OR1L8: variants seen among roughly 807,000 people sequenced by gnomAD.
OR1L8 encodes olfactory receptor 1L8.
For missense variants in OR1L8, 330 were observed against 377.4 expected (o/e 0.87, Z 1.04); for synonymous variants, 148 against 147.0 (o/e 1.01, Z -0.05).
At chr9:122,576,387 AAT>A (rs1491283734) in intron 3 of OR1L8, among the ~76,000 whole-genome samples, 3 of 113,262 alleles carry the variant, frequency 2.6e-5, no homozygotes, top group Non-Finnish European at 5.5e-5. Flanking sequence ...ACGCCCAGCT[AAT>A]TTTTTTTTTT....
chr9:122,576,599 A>T (rs939447623), intron 3 of OR1L8, among the ~76,000 whole-genome samples, 167 bp downstream of exon 3: 1 of 152,090 alleles, frequency 6.6e-6, no homozygotes, highest in Non-Finnish European at 1.5e-5. Context: ...GGCTATTATG[A>T]ATACTGTATA....
At chr9:122,576,642 G>A (rs1337462380) in intron 3 of OR1L8, 124 bp downstream of exon 3, 3 of 152,044 alleles carry the variant, frequency 2.0e-5, no homozygotes, top group Non-Finnish European at 2.9e-5. Flanking sequence ...TAGAACTCTG[G>A]GAGGTAAAAC....
chr9:122,570,806 G>A (rs1829534324), intron 4 of OR1L8, among the ~76,000 whole-genome samples: 1 of 150,042 alleles, frequency 6.7e-6, no homozygotes, highest in African/African-American at 2.4e-5. Context: ...AGTAATTAAA[G>A]TCAATAATAT....
At chr9:122,553,318 G>T in the OR1L8 span, 2 of 1,613,900 alleles carry the variant, frequency 1.2e-6, no homozygotes, top group Non-Finnish European at 1.7e-6. Flanking sequence ...ATCTTCCTTG[G>T]CATGTACCTG....
intron 4 of OR1L8, among the ~76,000 whole-genome samples, chr9:122,570,159 T>C (rs990177079): frequency 2.0e-5 from 3 of 149,772 alleles, no homozygotes; most frequent in Admixed American, 6.7e-5. Context: ...TGTGTCTTTA[T>C]AGCAGCATGA....
chr9:122,550,787 A>G, the OR1L8 span, among the ~76,000 whole-genome samples: 1 of 152,140 alleles, frequency 6.6e-6, no homozygotes, highest in African/African-American at 2.4e-5. Context: ...ACCCATAGCC[A>G]GCATAATACT....
chr9:122,553,014 C>T, the OR1L8 span: 1 of 649,284 alleles, frequency 1.5e-6, no homozygotes, highest in South Asian at 2.0e-5. Context: ...CTTAACTGTT[C>T]TCTAAATGTC....
chr9:122,570,550 T>G (rs1029834770), intron 4 of OR1L8, among the ~76,000 whole-genome samples: 1 of 152,178 alleles, frequency 6.6e-6, no homozygotes, highest in African/African-American at 2.4e-5. Context: ...CACATTGTCA[T>G]GAGGATTTAA....
At chr9:122,552,085 A>ACG in the OR1L8 span, among the ~76,000 whole-genome samples, 1 of 151,854 alleles carries the variant, frequency 6.6e-6, no homozygotes, top group South Asian at 2.1e-4. Flanking sequence ...TCTCTCACAC[A>ACG]CACACACATA....
chr9:122,553,308 A>G, the OR1L8 span: 2 of 1,613,958 alleles, frequency 1.2e-6, no homozygotes, highest in African/African-American at 1.3e-5. Context: ...TCTGTTTGGC[A>G]TCTTCCTTGG....
At chr9:122,582,502 G>A (rs1829749535) in intron 1 of OR1L8, among the ~76,000 whole-genome samples, 1 of 152,048 alleles carries the variant, frequency 6.6e-6, no homozygotes, top group African/African-American at 2.4e-5. Flanking sequence ...GATCACTTGA[G>A]TTCGGGAGTT....
At chr9:122,554,547 C>T in the OR1L8 span, among the ~76,000 whole-genome samples, 2 of 152,146 alleles carry the variant, frequency 1.3e-5, no homozygotes, top group East Asian at 1.9e-4. Context: ...ATTGACTATC[C>T]ACAATGTTCC....
downstream of OR1L8, among the ~76,000 whole-genome samples, chr9:122,562,828 T>C (rs976983227): frequency 6.6e-6 from 1 of 152,122 alleles, no homozygotes; most frequent in African/African-American, 2.4e-5. Flanking sequence ...TCATCCATGC[T>C]GCCACAAAAG....
intron 4 of OR1L8, among the ~76,000 whole-genome samples, chr9:122,571,374 A>T (rs978135162): frequency 6.6e-6 from 1 of 151,970 alleles, no homozygotes; most frequent in Non-Finnish European, 1.5e-5. Context: ...ACACGGTTAA[A>T]TCCTGTCTCT....
At chr9:122,553,750 T>C in the OR1L8 span, 1 of 1,614,046 alleles carries the variant, frequency 6.2e-7, no homozygotes, top group East Asian at 2.2e-5. Flanking sequence ...ATCCCTCATT[T>C]CTATTGTGAT....
chr9:122,553,653 C>T, the OR1L8 span: 2 of 1,614,014 alleles, frequency 1.2e-6, no homozygotes, highest in African/African-American at 1.3e-5. Flanking sequence ...TGCACTAATG[C>T]TGGGTGTGTG....
chr9:122,579,767 G>C (rs1829715639), intron 1 of OR1L8, among the ~76,000 whole-genome samples: 1 of 151,854 alleles, frequency 6.6e-6, no homozygotes, highest in Non-Finnish European at 1.5e-5. Context: ...AGAAAAAATT[G>C]TCATTGATGT....
the OR1L8 span, chr9:122,553,072 G>A: frequency 2.4e-6 from 2 of 830,912 alleles, no homozygotes; most frequent in East Asian, 2.5e-5. Context: ...GATTCTTATT[G>A]GCAAAGACCA....
At chr9:122,550,202 G>A in the OR1L8 span, among the ~76,000 whole-genome samples, 45,677 of 151,770 alleles carry the variant, frequency 0.3, 7,375 homozygotes, top group East Asian at 0.54. Context: ...ATTGTGCCAG[G>A]AACAAGTAGA....
Sources: gnomAD v4.1 joint callset for allele counts (sites outside exome capture counted in the v4.1 genomes callset) on GRCh38, gnomAD v4.1.1 for gene constraint, MANE v1.5 for transcripts, NCBI Gene and HGNC (gene_info 2026-07-23, HGNC 2026-07-21) for gene names.